The following RAP1GAP2 variants were observed in gnomAD, a reference collection of about 807,000 sequenced individuals.
The protein encoded by RAP1GAP2 is RAP1 GTPase activating protein 2, also known as rap1 GTPase-activating protein 2.
A neutral mutation model predicts 95.0 loss-of-function variants in RAP1GAP2; 27 were observed. That is an observed-to-expected ratio of 0.28 (90% CI 0.21 to 0.39). The LOEUF (loss-of-function observed/expected upper bound fraction) is 0.39, where lower values mean the gene tolerates loss of function less well. Ranked by LOEUF, RAP1GAP2 falls within the 10% of genes least tolerant of loss-of-function variation. The pLI, the probability that RAP1GAP2 is intolerant of heterozygous loss-of-function variation, is 1.00. For synonymous variants in RAP1GAP2, 373 were observed against 380.9 expected (o/e 0.98, Z 0.24); for missense variants, 771 against 970.0 (o/e 0.79, Z 2.72).
Position 2,870,519 on chromosome 17 carries a change from A to G in RAP1GAP2, c.81-34765A>G, listed in dbSNP as rs1229864513. 6.6e-6 allele frequency among the ~76,000 whole-genome samples: 1 copy of G among 152,218 alleles called. No individual in the cohort carries two copies. Among genetic ancestry groups the G allele is most frequent in the Non-Finnish European group, 1.5e-5 (1 of 68,048 alleles). On this transcript the variant is annotated intron_variant, in intron 2 of 24. Transcript: ENST00000254695. The surrounding 1 kb of genome is among the most constrained non-coding windows in gnomAD (Gnocchi z 4.4). ...GAAAAGCACAAGGATTAAAATAAAA[A>G]TCACCTTCAGTCCCACAAGGGAGAC... is the stretch of plus-strand genomic sequence containing the variant.
chr17:2,933,819 G>A (rs1290311536), intron 3 of RAP1GAP2, among the ~76,000 whole-genome samples: 1 of 152,128 alleles, frequency 6.6e-6, no homozygotes, highest in Admixed American at 6.5e-5. Context: ...TTTGGGGGAA[G>A]ACTGGAAGTT....
chr17:2,891,592 C>T (rs544983706), intron 2 of RAP1GAP2, among the ~76,000 whole-genome samples: 3 of 151,630 alleles, frequency 2.0e-5, no homozygotes, highest in Non-Finnish European at 4.4e-5. Context: ...CCCCCCCATC[C>T]TCTAGTGATA....
At chr17:2,927,519 A>G (rs2043009382) in intron 3 of RAP1GAP2, among the ~76,000 whole-genome samples, 1 of 150,510 alleles carries the variant, frequency 6.6e-6, no homozygotes, top group Admixed American at 6.6e-5. Flanking sequence ...CATTACAGAG[A>G]CTCTTTTGAT....
At chr17:2,976,930 T>C (rs1008599715) in intron 8 of RAP1GAP2, among the ~76,000 whole-genome samples, 1 of 151,204 alleles carries the variant, frequency 6.6e-6, no homozygotes, top group Non-Finnish European at 1.5e-5. Flanking sequence ...AGGTCAGAAG[T>C]TCAAGACCAG....
chr17:2,876,159 G>C (rs1380989113), intron 2 of RAP1GAP2, among the ~76,000 whole-genome samples: 1 of 151,902 alleles, frequency 6.6e-6, no homozygotes, highest in African/African-American at 2.4e-5. Flanking sequence ...GGATGGTCTT[G>C]ATCTCCTGAC....
chr17:2,877,747 A>C (rs1370820347), intron 2 of RAP1GAP2, among the ~76,000 whole-genome samples: 1 of 152,152 alleles, frequency 6.6e-6, no homozygotes, highest in East Asian at 1.9e-4. Context: ...AATTAAATGA[A>C]TGCCTGAAAT....
At position 3,026,413 on chromosome 17, in the gene RAP1GAP2, C is replaced by T. The variant is rs750083278; in HGVS notation, c.1929C>T (p.Ser643=). Residue 643 remains serine (S), a synonymous_variant, in exon 21 of 25, where the codon AGC becomes AGT. Coordinates refer to ENST00000254695, the MANE Select transcript of RAP1GAP2 (RefSeq NM_015085.5). ...CCCGCTCCTCCTCCAGCACCAGCAG[C>T]GTCAGCAGCACTGCAGGGGAGGGCG... is the stretch of plus-strand genomic sequence containing the variant. ...AISRSSSSTS[S]VSSTAGEGEA... 5.8e-6 allele frequency: 9 copies of T among 1,552,608 alleles called. No homozygotes were observed. The highest frequency in any genetic ancestry group is 2.4e-5 in the East Asian group (1 of 41,060).
intron 3 of RAP1GAP2, among the ~76,000 whole-genome samples, chr17:2,946,115 A>G (rs1052262713): frequency 1.3e-5 from 2 of 152,074 alleles, no homozygotes; most frequent in African/African-American, 4.8e-5. Flanking sequence ...TCTTGTGTTG[A>G]ACTGAGTTTG....
At chr17:2,979,136 C>G (rs915119057) in intron 8 of RAP1GAP2, among the ~76,000 whole-genome samples, 2 of 152,150 alleles carry the variant, frequency 1.3e-5, no homozygotes, top group East Asian at 3.8e-4. Flanking sequence ...GTTATCTCCT[C>G]AGATGCAGAA....
intron 8 of RAP1GAP2, among the ~76,000 whole-genome samples, chr17:2,966,965 C>T (rs763160740): frequency 1.1e-4 from 17 of 152,154 alleles, no homozygotes; most frequent in Non-Finnish European, 2.1e-4. Context: ...ATGCCGGGCA[C>T]GCAACACGCA....
rs2072795779 is a variant in RAP1GAP2, at chr17:2,870,395, GCATGAGCCA to G, written c.81-34887_81-34879del. 6.6e-6 allele frequency among the ~76,000 whole-genome samples: 1 copy of G among 152,058 alleles called. No homozygotes were observed. Among genetic ancestry groups the G allele is most frequent in the Admixed American group, 6.6e-5 (1 of 15,250 alleles). ...TCCTCCCAAAGTGCTGGGATTACAG[GCATGAGCCA>G]CCGTGCCCTGCCTGACAATCTGGTT... On this transcript the variant is annotated intron_variant, in intron 2 of 24. Transcript: ENST00000254695. This position sits in a 1 kb window ranked among gnomAD's most constrained non-coding sequence, Gnocchi z 4.4.
chr17:2,788,283 A>G (rs892165211), intron 1 of RAP1GAP2, among the ~76,000 whole-genome samples: 3 of 151,784 alleles, frequency 2.0e-5, no homozygotes, highest in African/African-American at 4.8e-5. Flanking sequence ...GGTTCATGCA[A>G]TTTTGTGGGG....
At chr17:2,763,782 GAGGCTGGGTGGGGCCAGGAGGTGA>G (rs2068228265) in intron 1 of RAP1GAP2, among the ~76,000 whole-genome samples, 1 of 150,490 alleles carries the variant, frequency 6.6e-6, no homozygotes, top group African/African-American at 2.4e-5. Context: ...GAGGGGAGGG[GAGGCTGGGTGGGGCCAGGAGGTGA>G]AGGCTGTGCA....
chr17:2,783,544 G>C (rs2068705953), intron 1 of RAP1GAP2, among the ~76,000 whole-genome samples: 1 of 152,222 alleles, frequency 6.6e-6, no homozygotes, highest in South Asian at 2.1e-4. Flanking sequence ...ACACAACAGG[G>C]ACTGTTGCAG....
chr17:2,853,211 C>T (rs2071954943), intron 2 of RAP1GAP2, among the ~76,000 whole-genome samples: 1 of 152,026 alleles, frequency 6.6e-6, no homozygotes. Flanking sequence ...CTCCCATCCG[C>T]AAGCTCCCAC....
intron 2 of RAP1GAP2, among the ~76,000 whole-genome samples, chr17:2,894,325 G>T (rs1044676226): frequency 6.6e-6 from 1 of 152,220 alleles, no homozygotes; most frequent in African/African-American, 2.4e-5. Context: ...AGCTACTTGG[G>T]AGGCTGAGAC....
chr17:2,874,776 A>T (rs2073016622), intron 2 of RAP1GAP2, among the ~76,000 whole-genome samples: 1 of 152,120 alleles, frequency 6.6e-6, no homozygotes. Flanking sequence ...TCTCCTGTAT[A>T]GCAGAAGTTC....
intron 2 of RAP1GAP2, among the ~76,000 whole-genome samples, chr17:2,874,621 C>A (rs1285816736): frequency 6.6e-6 from 1 of 152,130 alleles, no homozygotes; most frequent in Non-Finnish European, 1.5e-5. Context: ...CAGCCTGAAC[C>A]AGTCAGAGGC....
In RAP1GAP2 at chr17:2,851,296, G is replaced by T. The variant is rs1433971910; in HGVS notation, c.80+50746G>T. On this transcript the variant is annotated intron_variant, in intron 2 of 24. Transcript: ENST00000254695. ...GGATGGTCTTCCATTTTTCTTTCTT[G>T]CCCTGGTCTCTTGCATAAAGCTGGA... is the stretch of plus-strand genomic sequence containing the variant. Among the ~76,000 whole-genome samples the T allele has an allele frequency of 2.0e-5, 3 of 152,178 alleles. No homozygotes were observed. The East Asian group carries it at 5.8e-4, about 29-fold the overall frequency.
Sources: allele counts gnomAD v4.1 joint callset (sites outside exome capture counted in the v4.1 genomes callset), GRCh38; gene constraint gnomAD v4.1.1; non-coding constraint Gnocchi (gnomAD v3.1); transcripts MANE v1.5; gene names NCBI Gene and HGNC (gene_info 2026-07-23, HGNC 2026-07-21).